Variants in ZNF169 observed in about 807,000 individuals in gnomAD.
ZNF169 encodes zinc finger protein 169.
A neutral mutation model predicts 12.0 loss-of-function variants in ZNF169; 11 were observed. The ratio of observed to expected loss-of-function variants is 0.92; its 90% CI spans 0.58 to 1.52. ZNF169 has a LOEUF of 1.52. Among genes scored for constraint, ZNF169 ranks in the 40% most tolerant of loss-of-function variants. The pLI is 0.00. For synonymous variants in ZNF169, 302 were observed against 286.5 expected, an observed-to-expected ratio of 1.05 and a Z score of -0.55; for missense variants, 722 against 744.0, an observed-to-expected ratio of 0.97 and a Z score of 0.34.
chr9:94,271,579 G>A lies in ZNF169; in HGVS notation c.-55-7179G>A, dbSNP rs1036717677. 3.3e-5 allele frequency among the ~76,000 whole-genome samples: 5 copies of A among 151,912 alleles called. No individual in the cohort carries two copies. The South Asian group carries it at 6.2e-4, about 19-fold the overall frequency. On this transcript the variant is annotated intron_variant, in intron 1 of 4. Coordinates refer to ENST00000395395, the MANE Select transcript of ZNF169 (RefSeq NM_194320.4). The stretch of plus-strand genomic sequence containing the variant: ...TACTAAAAATACAAAAATTAGCTGG[G>A]CGTGGTGGTGCACACCTGTAGTCCC...
chr9:94,297,844 A>G (rs1330745802), intron 4 of ZNF169, among the ~76,000 whole-genome samples: 1 of 152,186 alleles, frequency 6.6e-6, no homozygotes, highest in East Asian at 1.9e-4. Flanking sequence ...GCTACTTGCC[A>G]GGTACATTTC....
At chr9:94,260,522 T>C (rs1043213468) in intron 1 of ZNF169, among the ~76,000 whole-genome samples, 6 of 152,136 alleles carry the variant, frequency 3.9e-5, no homozygotes, top group African/African-American at 1.4e-4. Flanking sequence ...CTCGGGTCAG[T>C]AGCCTTGGGG....
chr9:94,294,398 A>C (rs1289614817), intron 4 of ZNF169: 2 of 152,156 alleles, frequency 1.3e-5, no homozygotes, highest in Admixed American at 6.6e-5. Context: ...AGATTGCGCC[A>C]CTGCACTCCA....
intron 1 of ZNF169, among the ~76,000 whole-genome samples, chr9:94,269,357 T>C (rs1394953505): frequency 6.6e-6 from 1 of 152,182 alleles, no homozygotes; most frequent in East Asian, 1.9e-4. Flanking sequence ...AGTAGGCTCC[T>C]GACATACTAT....
chr9:94,290,918 C>A (rs1398845575), intron 2 of ZNF169, among the ~76,000 whole-genome samples: 5 of 151,856 alleles, frequency 3.3e-5, no homozygotes, highest in African/African-American at 1.2e-4. Flanking sequence ...CCATACCCCA[C>A]AAAAATATGT....
At chr9:94,292,745 G>A in intron 3 of ZNF169, 1 of 616,858 alleles carries the variant, frequency 1.6e-6, no homozygotes, top group Non-Finnish European at 2.8e-6. Flanking sequence ...TTCAAAAGGA[G>A]GAATATTTTT....
chr9:94,296,686 T>A lies in ZNF169; in HGVS notation c.257-3129T>A, dbSNP rs578165735. 92 of 448,090 alleles carry A rather than the reference T, an allele frequency of 2.1e-4. 2 individuals carry two copies. The highest frequency in any genetic ancestry group is 1.4e-3 in the South Asian group (87 of 63,200). 27.8% of individuals were successfully genotyped at this position (448,090 alleles called of 1,614,324 possible). A position where few individuals can be genotyped will look rare whatever the true frequency, so the allele number is the denominator to read the frequency against. On this transcript the variant is annotated intron_variant, in intron 4 of 4. Transcript: ENST00000395395. ...ATCAGTTGACCATATGTGATAGGTC[T>A]ATACCTGGACTCTATGTTTTTTCTA...
Position 94,301,454 on chromosome 9 carries a change from A to AG in ZNF169, c.*84_*85insG, listed in dbSNP as rs372547194. 2 of 1,448,964 alleles carry AG rather than the reference A, an allele frequency of 1.4e-6. No homozygotes were observed. The highest frequency in any genetic ancestry group is 1.8e-6 in the Non-Finnish European group (2 of 1,097,536). The allele number at this position is 1,448,964 out of a possible 1,614,324, so 89.8% of individuals were successfully genotyped here. ...CCTGAAATGGAATGGAAAAAAAAAAATGTTGCTTTCTTTCATCGATCATGA... is the reference window on the plus strand; with the variant it reads ...CCTGAAATGGAATGGAAAAAAAAAAAGTGTTGCTTTCTTTCATCGATCATGA... On this transcript the variant is annotated 3_prime_UTR_variant, in exon 5 of 5. Coordinates refer to ENST00000395395, the MANE Select transcript of ZNF169 (RefSeq NM_194320.4).
rs1445247048 is a variant in ZNF169, at chr9:94,300,862, G to A, written c.1304G>A (p.Cys435Tyr). The A allele has an allele frequency of 6.2e-7, 1 of 1,613,972 alleles. No individual in the cohort carries two copies. Among genetic ancestry groups the A allele is most frequent in the Non-Finnish European group, 8.5e-7 (1 of 1,179,994 alleles). ...TGEKPYLCPQ[C>Y]GRGFSQKVTL... ...GAGAAGCCTTACCTGTGCCCCCAGTGTGGGCGGGGTTTTAGCCAGAAGGTC... is the reference window on the plus strand; with the variant it reads ...GAGAAGCCTTACCTGTGCCCCCAGTATGGGCGGGGTTTTAGCCAGAAGGTC... The change falls in exon 5 of 5, where the codon TGT becomes TAT. Residue 435 changes from cysteine to tyrosine, a missense_variant. Transcript: ENST00000395395.
chr9:94,299,792 G>C, intron 4 of ZNF169, 23 bp from the exon 5 acceptor site: 14 of 1,591,508 alleles, frequency 8.8e-6, no homozygotes, highest in Non-Finnish European at 1.2e-5. Flanking sequence ...TGGTGATTCT[G>C]ACCAAGACTT....
intron 1 of ZNF169, among the ~76,000 whole-genome samples, chr9:94,267,420 T>C (rs895923260): frequency 7.2e-5 from 11 of 152,222 alleles, no homozygotes; most frequent in African/African-American, 2.2e-4. Flanking sequence ...GTTTTTCCAA[T>C]TGTGTCCTGT....
chr9:94,276,547 C>T (rs533483901), intron 1 of ZNF169, among the ~76,000 whole-genome samples: 14 of 152,188 alleles, frequency 9.2e-5, no homozygotes, highest in African/African-American at 3.1e-4. Flanking sequence ...ACGTGAGCCA[C>T]TGTGCCTGGC....
chr9:94,290,598 T>C (rs907454580), intron 2 of ZNF169, among the ~76,000 whole-genome samples: 1 of 152,224 alleles, frequency 6.6e-6, no homozygotes, highest in Non-Finnish European at 1.5e-5. Context: ...GGCTGAAAAA[T>C]ACTCCATTGT....
rs760874378 is a variant in ZNF169, at chr9:94,300,509, C to T, written c.951C>T (p.Pro317=). 2.0e-5 allele frequency: 33 copies of T among 1,613,886 alleles called. No homozygotes were observed. In the South Asian group the frequency reaches 3.3e-4, roughly 16 times the overall value. ...NHKRIHSGER[P]FVCQECGRGF... is the part of the protein sequence containing the mutation. Reference sequence around the variant, plus strand: ...AGAGGATTCACTCCGGGGAGAGGCCCTTTGTATGTCAGGAGTGTGGGCGAG... The same window carrying T: ...AGAGGATTCACTCCGGGGAGAGGCCTTTTGTATGTCAGGAGTGTGGGCGAG... Residue 317 remains proline, a synonymous_variant, in exon 5 of 5, where the codon CCC becomes CCT. Transcript: ENST00000395395.
intron 2 of ZNF169, among the ~76,000 whole-genome samples, chr9:94,284,329 G>A (rs555865850): frequency 1.3e-5 from 2 of 152,214 alleles, no homozygotes; most frequent in South Asian, 4.2e-4. Context: ...GGAGGCTGAG[G>A]CAGGAGAATC....
intron 2 of ZNF169, among the ~76,000 whole-genome samples, chr9:94,284,240 C>T (rs1359907433): frequency 2.0e-5 from 3 of 151,468 alleles, no homozygotes; most frequent in African/African-American, 4.9e-5. Context: ...GCCTGGCCAA[C>T]GTGGAGGAAC....
chr9:94,269,452 A>AGATT (rs1830353445), intron 1 of ZNF169, among the ~76,000 whole-genome samples: 1 of 152,222 alleles, frequency 6.6e-6, no homozygotes, highest in South Asian at 2.1e-4. Context: ...TTGCGCATGC[A>AGATT]TGAAACAGCC....
intron 1 of ZNF169, among the ~76,000 whole-genome samples, chr9:94,269,613 G>A (rs1004657206): frequency 2.6e-5 from 4 of 152,128 alleles, no homozygotes; most frequent in Admixed American, 6.6e-5. Context: ...ACTGAGGATC[G>A]GGCTGCTATT....
At chr9:94,284,091 AAAG>A (rs1808560012) in intron 2 of ZNF169, among the ~76,000 whole-genome samples, 1 of 150,066 alleles carries the variant, frequency 6.7e-6, no homozygotes, top group Non-Finnish European at 1.5e-5. Flanking sequence ...AAAAAAAAAA[AAAG>A]GACTATAACT....
Sources: allele counts gnomAD v4.1 joint callset (sites outside exome capture counted in the v4.1 genomes callset), GRCh38; gene constraint gnomAD v4.1.1; transcripts MANE v1.5; gene names NCBI Gene and HGNC (gene_info 2026-07-23, HGNC 2026-07-21).